CDH4: variants seen among roughly 807,000 people sequenced by gnomAD.
The protein encoded by CDH4 is cadherin-4.
CDH4 carries 33 observed loss-of-function variants against 86.0 expected under a neutral mutation model. The observed-to-expected ratio is 0.38, with a 90% CI of 0.29 to 0.51. CDH4 has a LOEUF of 0.51. Ranked by LOEUF, CDH4 falls within the 20% of genes least tolerant of loss-of-function variation. CDH4 has a pLI of 0.86. For missense variants in CDH4, 1,114 were observed against 1,307.4 expected (o/e 0.85, Z 2.28); for synonymous variants, 555 against 549.4 (o/e 1.01, Z -0.14).
At chr20:61,569,417 G>A (rs1488954580) in intron 2 of CDH4, among the ~76,000 whole-genome samples, 2 of 152,042 alleles carry the variant, frequency 1.3e-5, no homozygotes, top group Non-Finnish European at 2.9e-5. Context: ...TATTTCCCAT[G>A]GGTTCTATAC....
intron 2 of CDH4, among the ~76,000 whole-genome samples, chr20:61,446,764 G>A (rs1271094360): frequency 6.6e-6 from 1 of 152,196 alleles, no homozygotes; most frequent in Non-Finnish European, 1.5e-5. Context: ...GTGTGTGTCT[G>A]AGCACCTGTC....
intron 4 of CDH4, among the ~76,000 whole-genome samples, chr20:61,823,137 C>T (rs1981130566): frequency 6.6e-6 from 1 of 151,874 alleles, no homozygotes; most frequent in Non-Finnish European, 1.5e-5. Flanking sequence ...CTATTCAGGC[C>T]TTTGACTGAT....
intron 2 of CDH4, among the ~76,000 whole-genome samples, chr20:61,521,983 C>T (rs1356218642): frequency 3.3e-5 from 5 of 152,180 alleles, no homozygotes; most frequent in African/African-American, 7.2e-5. Context: ...GTTGAAGGTC[C>T]GCTTATTAAT....
At chr20:61,869,832 G>A (rs184489618) in intron 6 of CDH4, among the ~76,000 whole-genome samples, 244 of 152,314 alleles carry the variant, frequency 1.6e-3, no homozygotes, top group Non-Finnish European at 2.7e-3. Context: ...TTCGGGGACC[G>A]AGGAGTCCTT....
At chr20:61,384,444 A>T (rs2084940540) in intron 2 of CDH4, among the ~76,000 whole-genome samples, 1 of 152,194 alleles carries the variant, frequency 6.6e-6, no homozygotes, top group African/African-American at 2.4e-5. Context: ...CCGTGCTTCC[A>T]CAGCGTGGTC....
At chr20:61,311,616 A>G (rs2084446041) in intron 2 of CDH4, among the ~76,000 whole-genome samples, 1 of 152,248 alleles carries the variant, frequency 6.6e-6, no homozygotes, top group Admixed American at 6.5e-5. Context: ...CAATTAAGCA[A>G]AGTTTGTGTT....
chr20:61,794,117 T>C (rs1979391114), intron 4 of CDH4, among the ~76,000 whole-genome samples: 2 of 139,696 alleles, frequency 1.4e-5, no homozygotes, highest in South Asian at 4.5e-4. Context: ...CACTCCAGCT[T>C]GGGCAACAGA....
chr20:61,549,577 T>A (rs1252097541), intron 2 of CDH4, among the ~76,000 whole-genome samples: 1 of 152,228 alleles, frequency 6.6e-6, no homozygotes, highest in Non-Finnish European at 1.5e-5. Context: ...CCTCGTGTGT[T>A]CCGTGGATGT....
intron 2 of CDH4, among the ~76,000 whole-genome samples, chr20:61,683,217 G>A (rs2087536496): frequency 6.6e-6 from 1 of 152,154 alleles, no homozygotes; most frequent in South Asian, 2.1e-4. Flanking sequence ...CGTCTGTGCA[G>A]TATAGGGCAG....
chr20:61,642,907 T>C (rs565767289), intron 2 of CDH4, among the ~76,000 whole-genome samples: 3 of 152,172 alleles, frequency 2.0e-5, no homozygotes, highest in Non-Finnish European at 2.9e-5. Flanking sequence ...CCTGCCTCCT[T>C]CTTTCCCTTT....
In CDH4 at chr20:61,924,917, G is replaced by A. The variant is rs534371158; in HGVS notation, c.1771+441G>A. ...CCACAGTTTTCAAATGCTTTCAGCC[G>A]GCAGCCCTTGCCACAGACCCCATCC... is the stretch of plus-strand genomic sequence containing the variant. On this transcript the variant is annotated intron_variant, in intron 11 of 15. Coordinates refer to ENST00000614565, the MANE Select transcript of CDH4 (RefSeq NM_001794.5). 4.6e-5 allele frequency among the ~76,000 whole-genome samples: 7 copies of A among 152,312 alleles called. No individual in the cohort carries two copies. In the East Asian group the frequency reaches 5.8e-4, roughly 13 times the overall value.
intron 2 of CDH4, among the ~76,000 whole-genome samples, chr20:61,631,460 C>T (rs1272889159): frequency 4.6e-5 from 7 of 152,054 alleles, no homozygotes; most frequent in African/African-American, 1.2e-4. Flanking sequence ...GCCAACATGG[C>T]GAAAACCCCT....
chr20:61,724,503 G>A (rs1314550053), intron 2 of CDH4, among the ~76,000 whole-genome samples: 1 of 152,224 alleles, frequency 6.6e-6, no homozygotes, highest in African/African-American at 2.4e-5. Flanking sequence ...CCCAACCACA[G>A]CCTCAGAGAC....
chr20:61,610,802 C>A (rs2086679503), intron 2 of CDH4, among the ~76,000 whole-genome samples: 1 of 152,160 alleles, frequency 6.6e-6, no homozygotes. Context: ...GATACGAATC[C>A]ATTTCCTGAG....
At chr20:61,315,346 A>G (rs2123230631) in intron 2 of CDH4, among the ~76,000 whole-genome samples, 1 of 152,292 alleles carries the variant, frequency 6.6e-6, no homozygotes, top group South Asian at 2.1e-4. Flanking sequence ...AAACTGGGGG[A>G]CATTGAGCTT....
At position 61,663,524 on chromosome 20, in the gene CDH4, G is replaced by A. The variant is rs2087285106; in HGVS notation, c.170-80039G>A. On this transcript the variant is annotated intron_variant, in intron 2 of 15. Transcript: ENST00000614565. This position sits in a 1 kb window ranked among gnomAD's most constrained non-coding sequence, Gnocchi z 5.0. ...GGGATGCCGCCGAGTGGGTCAGAGG[G>A]GCCGGAGGAAGGTGAACAGGGCAGG... 6.6e-6 allele frequency among the ~76,000 whole-genome samples: 1 copy of A among 152,104 alleles called. No homozygotes were observed. Among genetic ancestry groups the A allele is most frequent in the Admixed American group, 6.5e-5 (1 of 15,282 alleles).
chr20:61,446,668 T>C (rs1490551981), intron 2 of CDH4, among the ~76,000 whole-genome samples: 1 of 152,222 alleles, frequency 6.6e-6, no homozygotes, highest in Non-Finnish European at 1.5e-5. Flanking sequence ...CTCCCAGGAC[T>C]GAAGAACTAG....
chr20:61,601,873 G>A (rs929778404), intron 2 of CDH4, among the ~76,000 whole-genome samples: 1 of 152,200 alleles, frequency 6.6e-6, no homozygotes, highest in Admixed American at 6.5e-5. Context: ...AAGCAGTGTC[G>A]CGTTCAGTTG....
chr20:61,611,477 G>A (rs376844414), intron 2 of CDH4, among the ~76,000 whole-genome samples: 1 of 152,058 alleles, frequency 6.6e-6, no homozygotes, highest in South Asian at 2.1e-4. Flanking sequence ...GCCTGACAGG[G>A]AGGCTCAGAC....
Sources: allele counts gnomAD v4.1 joint callset (sites outside exome capture counted in the v4.1 genomes callset), GRCh38; gene constraint gnomAD v4.1.1; non-coding constraint Gnocchi (gnomAD v3.1); transcripts MANE v1.5; gene names NCBI Gene and HGNC (gene_info 2026-07-23, HGNC 2026-07-21).